DHRSX: variants seen among roughly 807,000 people sequenced by gnomAD.
DHRSX encodes polyprenol dehydrogenase.
Under a neutral mutation model 34.0 loss-of-function variants are expected in DHRSX, and 31 were observed. That is an observed-to-expected ratio of 0.91 (90% CI 0.69 to 1.23). The LOEUF is 1.23. Ranked by LOEUF, DHRSX falls within the 50% of genes most tolerant of loss-of-function variation. The probability of loss-of-function intolerance (pLI) is 0.00; values close to 1 mark genes in which losing one functional copy is unlikely to be tolerated. For missense variants in DHRSX, 414 were observed against 428.1 expected (o/e 0.97, Z 0.29); for synonymous variants, 201 against 183.8 (o/e 1.09, Z -0.76).
intron 1 of DHRSX, among the ~76,000 whole-genome samples, chrX:2,454,080 G>C (rs757349171): frequency 2.0e-3 from 302 of 151,936 alleles, no homozygotes; most frequent in Non-Finnish European, 3.0e-3. Context: ...AAAATGACTT[G>C]CATTTCCAGG....
chrX:2,240,291 C>CAA (rs778881739), intron 6 of DHRSX, among the ~76,000 whole-genome samples: 50 of 130,416 alleles, frequency 3.8e-4, no homozygotes, highest in African/African-American at 8.6e-4. Context: ...GACTCTATCT[C>CAA]AAAAAAAAAA....
intron 1 of DHRSX, among the ~76,000 whole-genome samples, chrX:2,429,416 A>G (rs1207376983): frequency 5.3e-5 from 8 of 150,662 alleles, no homozygotes; most frequent in Non-Finnish European, 1.2e-4. Flanking sequence ...CTAAACTTGG[A>G]AAAGCAGCAA....
intron 1 of DHRSX, among the ~76,000 whole-genome samples, chrX:2,475,451 G>A (rs1252748400): frequency 6.6e-6 from 1 of 151,764 alleles, no homozygotes; most frequent in Non-Finnish European, 1.5e-5. Context: ...TGTGGCACAA[G>A]GGACCGCCGC....
intron 1 of DHRSX, among the ~76,000 whole-genome samples, chrX:2,426,480 T>C: frequency 1.4e-5 from 2 of 140,634 alleles, no homozygotes; most frequent in South Asian, 2.7e-4. Flanking sequence ...CCTTCCTTCC[T>C]TCCCTCCCTC....
intron 6 of DHRSX, among the ~76,000 whole-genome samples, chrX:2,232,510 A>G (rs1172704470): frequency 6.6e-6 from 1 of 152,066 alleles, no homozygotes; most frequent in Non-Finnish European, 1.5e-5. Context: ...GAGAGCTTGT[A>G]AAAACAACTG....
chrX:2,457,748 A>C (rs1378150011), intron 1 of DHRSX, among the ~76,000 whole-genome samples: 3 of 150,462 alleles, frequency 2.0e-5, no homozygotes, highest in Non-Finnish European at 3.0e-5. Context: ...GACTGCCACC[A>C]TGTACACACT....
intron 5 of DHRSX, among the ~76,000 whole-genome samples, chrX:2,265,353 C>T (rs1244611686): frequency 4.6e-4 from 41 of 89,192 alleles, no homozygotes; most frequent in African/African-American, 2.1e-3. Flanking sequence ...CCCCAGAGCA[C>T]CAGTGCTCAG....
chrX:2,336,796 A>G (rs1297461486), intron 3 of DHRSX, among the ~76,000 whole-genome samples: 1 of 151,942 alleles, frequency 6.6e-6, no homozygotes, highest in Admixed American at 6.6e-5. Flanking sequence ...TGGCTTTAAG[A>G]CTTCCAAGTG....
intron 6 of DHRSX, among the ~76,000 whole-genome samples, chrX:2,226,966 A>AT (rs2015679731): frequency 6.6e-6 from 1 of 152,014 alleles, no homozygotes; most frequent in Non-Finnish European, 1.5e-5. Flanking sequence ...CTGCTGCAGA[A>AT]TAAGAAGGGT....
chrX:2,306,428 G>A (rs1448229085), intron 3 of DHRSX, among the ~76,000 whole-genome samples: 2 of 151,584 alleles, frequency 1.3e-5, no homozygotes, highest in East Asian at 1.9e-4. Context: ...AGCAGAGCAG[G>A]AATGAAGCCC....
intron 3 of DHRSX, among the ~76,000 whole-genome samples, chrX:2,328,200 CTA>C (rs2042412337): frequency 6.6e-6 from 1 of 152,054 alleles, no homozygotes; most frequent in African/African-American, 2.4e-5. Flanking sequence ...CCAGCCCTGC[CTA>C]CACCTTGATC....
intron 3 of DHRSX, among the ~76,000 whole-genome samples, chrX:2,364,835 A>G (rs1419963410): frequency 6.6e-6 from 1 of 152,196 alleles, no homozygotes; most frequent in Non-Finnish European, 1.5e-5. Flanking sequence ...TCATTTATCT[A>G]CCTGTCATCT....
chrX:2,464,329 C>CG (rs1488400973), intron 1 of DHRSX, among the ~76,000 whole-genome samples: 1 of 68,120 alleles, frequency 1.5e-5, no homozygotes, highest in Non-Finnish European at 3.1e-5. Flanking sequence ...GAAGAGGTTC[C>CG]CTAGCAATCC....
chrX:2,276,877 G>A (rs867076475), intron 4 of DHRSX, among the ~76,000 whole-genome samples: 38 of 13,392 alleles, frequency 2.8e-3, no homozygotes, highest in East Asian at 4.0e-3. Context: ...AGAGAAGGAG[G>A]GGAGGAAATA....
intron 3 of DHRSX, among the ~76,000 whole-genome samples, chrX:2,356,908 G>A (rs894314843): frequency 1.4e-4 from 21 of 152,148 alleles, no homozygotes; most frequent in Non-Finnish European, 1.2e-4. Context: ...AAGGGTTCCT[G>A]TAAACAGTAG....
chrX:2,405,005 C>T (rs1296484876), intron 3 of DHRSX, among the ~76,000 whole-genome samples: 1 of 152,190 alleles, frequency 6.6e-6, no homozygotes. Flanking sequence ...GCGGGAGCCC[C>T]TGTGGGAGTG....
intron 1 of DHRSX, among the ~76,000 whole-genome samples, chrX:2,496,723 C>A (rs2045294275): frequency 6.6e-6 from 1 of 151,886 alleles, no homozygotes; most frequent in South Asian, 2.1e-4. Flanking sequence ...AATTATTCCA[C>A]AATGCAAACA....
intron 3 of DHRSX, among the ~76,000 whole-genome samples, chrX:2,369,061 C>T (rs1434398760): frequency 6.6e-6 from 1 of 152,114 alleles, no homozygotes; most frequent in East Asian, 1.9e-4. Flanking sequence ...CTCATTTCTA[C>T]CCTATAGAAG....
intron 5 of DHRSX, among the ~76,000 whole-genome samples, chrX:2,250,909 T>C (rs1342767175): frequency 3.3e-5 from 5 of 152,138 alleles, no homozygotes; most frequent in African/African-American, 4.8e-5. Context: ...CTGAGCAATT[T>C]TCCCACCTTC....
Sources: gnomAD v4.1 joint callset for allele counts (sites outside exome capture counted in the v4.1 genomes callset) on GRCh38, gnomAD v4.1.1 for gene constraint, MANE v1.5 for transcripts, NCBI Gene and HGNC (gene_info 2026-07-23, HGNC 2026-07-21) for gene names.